The following CPVL variants were observed in gnomAD, a reference collection of about 807,000 sequenced individuals.
CPVL encodes the protein probable serine carboxypeptidase CPVL.
CPVL carries 51 observed loss-of-function variants against 63.7 expected under a neutral mutation model. The ratio of observed to expected loss-of-function variants is 0.80; its 90% confidence interval spans 0.64 to 1.01. CPVL has a LOEUF of 1.01. Ranked by LOEUF, CPVL falls within the 50% of genes least tolerant of loss-of-function variation. The pLI is 0.00. For synonymous variants in CPVL, 195 were observed against 206.0 expected (o/e 0.95, Z 0.46); for missense variants, 530 against 573.1 (o/e 0.92, Z 0.77).
At chr7:29,136,059 AGAG>A (rs1248517640) in intron 1 of CPVL, among the ~76,000 whole-genome samples, 5 of 152,220 alleles carry the variant, frequency 3.3e-5, no homozygotes, top group Non-Finnish European at 7.3e-5. Flanking sequence ...CTAGGACTGA[AGAG>A]GGGAAGTGAA....
chr7:29,077,296 A>G (rs1004813343), intron 7 of CPVL, among the ~76,000 whole-genome samples: 1 of 139,384 alleles, frequency 7.2e-6, no homozygotes, highest in Non-Finnish European at 1.5e-5. Context: ...TCTGAAGTTT[A>G]GTAGAAAAAA....
intron 1 of CPVL, among the ~76,000 whole-genome samples, chr7:29,137,780 A>G (rs245865): frequency 0.9 from 137,175 of 152,274 alleles, 62,007 homozygotes; most frequent in East Asian, 1. Flanking sequence ...GGGAGGTCAT[A>G]GAATTTATAG....
chr7:29,032,180 A>G (rs947299071), intron 11 of CPVL, among the ~76,000 whole-genome samples: 6 of 152,132 alleles, frequency 3.9e-5, no homozygotes, highest in African/African-American at 1.4e-4. Flanking sequence ...ATTTCACTGC[A>G]TAAGTTTCCG....
At chr7:29,115,191 C>T (rs1432250867) in intron 2 of CPVL, among the ~76,000 whole-genome samples, 1 of 152,198 alleles carries the variant, frequency 6.6e-6, no homozygotes, top group Non-Finnish European at 1.5e-5. Flanking sequence ...CCTAGCACTG[C>T]ACATAAAATA....
chr7:29,067,900 C>T (rs1421646307), intron 9 of CPVL, among the ~76,000 whole-genome samples: 2 of 152,140 alleles, frequency 1.3e-5, no homozygotes, highest in Non-Finnish European at 2.9e-5. Context: ...CACTCAACCA[C>T]GCACACACTG....
intron 3 of CPVL, among the ~76,000 whole-genome samples, chr7:29,109,203 G>A (rs1247862549): frequency 1.3e-5 from 2 of 152,128 alleles, no homozygotes; most frequent in East Asian, 3.8e-4. Context: ...CTTGCAGGTT[G>A]TATTCCCACT....
In CPVL at chr7:29,078,197, C is replaced by A. The variant is rs1373737621; in HGVS notation, c.610-5774G>T. Among the ~76,000 whole-genome samples the A allele has an allele frequency of 2.6e-5, 4 of 152,316 alleles. No homozygotes were observed. The East Asian group carries it at 7.7e-4, about 29-fold the overall frequency. On this transcript the variant is annotated intron_variant, in intron 7 of 12. Transcript: ENST00000265394. Reference sequence around the variant, plus strand: ...CTTAAAAAGAAACTTGCAAAATCTACAGGCATAGACATATAGCAAAAACAT... The same window carrying A: ...CTTAAAAAGAAACTTGCAAAATCTAAAGGCATAGACATATAGCAAAAACAT...
At chr7:29,125,208 A>G (rs1369848121) in intron 1 of CPVL, 6 of 152,190 alleles carry the variant, frequency 3.9e-5, no homozygotes, top group East Asian at 3.8e-4. Flanking sequence ...TGATGAATCT[A>G]AATAAGGAAC....
intron 9 of CPVL, 66 bp downstream of exon 9, chr7:29,071,707 T>TCGC: frequency 1.3e-5 from 11 of 867,440 alleles, no homozygotes; most frequent in Non-Finnish European, 1.8e-5. Context: ...GTGTTCCTGC[T>TCGC]CACCCGCCCT....
intron 5 of CPVL, among the ~76,000 whole-genome samples, chr7:29,159,563 G>T (rs1292395659): frequency 6.6e-6 from 1 of 152,076 alleles, no homozygotes; most frequent in Non-Finnish European, 1.5e-5. Flanking sequence ...GTGATGAAAT[G>T]GGGTGGCTAA....
intron 11 of CPVL, among the ~76,000 whole-genome samples, chr7:29,043,310 C>T (rs1789304788): frequency 6.6e-6 from 1 of 151,600 alleles, no homozygotes; most frequent in African/African-American, 2.4e-5. Context: ...TGGTATCAGT[C>T]AGGTGCAAGA....
intron 5 of CPVL, among the ~76,000 whole-genome samples, chr7:29,165,134 T>G (rs1795738885): frequency 6.6e-6 from 1 of 152,162 alleles, no homozygotes; most frequent in South Asian, 2.1e-4. Flanking sequence ...AATCTAAAGA[T>G]CAATGTGGGG....
chr7:29,075,429 T>C lies in CPVL; in HGVS notation c.610-3006A>G, dbSNP rs138424897. Among the ~76,000 whole-genome samples the C allele has an allele frequency of 1.9e-4, 28 of 151,108 alleles. No individual in the cohort carries two copies. In the East Asian group the frequency reaches 5.3e-3, roughly 29 times the overall value. On this transcript the variant is annotated intron_variant, in intron 7 of 12. Coordinates refer to ENST00000265394, the MANE Select transcript of CPVL (RefSeq NM_031311.5). Reference sequence around the variant, plus strand: ...TCATTCACATGCCTGGCTGGAATTCTACCCTGGCTTGGCTGTCTCTGCAGC... The same window carrying C: ...TCATTCACATGCCTGGCTGGAATTCCACCCTGGCTTGGCTGTCTCTGCAGC...
upstream of CPVL, chr7:29,147,071 G>C: frequency 6.9e-7 from 1 of 1,443,402 alleles, no homozygotes; most frequent in Non-Finnish European, 9.3e-7. Context: ...TTTGCAATTG[G>C]GGGACACAAA....
intron 5 of CPVL, 71 bp downstream of exon 5, chr7:29,095,013 T>C (rs1285896555): frequency 4.5e-6 from 5 of 1,116,552 alleles, no homozygotes; most frequent in Non-Finnish European, 6.7e-6. Context: ...TTAAATGTAC[T>C]TAATAAAAAG....
chr7:29,087,423 C>CAAAAAAAAAA, intron 6 of CPVL, among the ~76,000 whole-genome samples: 1 of 71,394 alleles, frequency 1.4e-5, no homozygotes, highest in Non-Finnish European at 3.1e-5. Flanking sequence ...GACTCTGTCT[C>CAAAAAAAAAA]AAAAAAAAAA....
intron 1 of CPVL, among the ~76,000 whole-genome samples, chr7:29,125,642 C>T (rs1789935253): frequency 6.6e-6 from 1 of 152,142 alleles, no homozygotes. Context: ...ATCCACCCGC[C>T]TCGGCCTCCC....
chr7:29,050,907 T>C (rs779006767), intron 11 of CPVL, among the ~76,000 whole-genome samples: 13 of 151,570 alleles, frequency 8.6e-5, no homozygotes, highest in Non-Finnish European at 1.9e-4. Flanking sequence ...AATAGGCACA[T>C]AGACTGATGG....
Position 29,121,114 on chromosome 7 carries a change from A to T in CPVL, c.-10-43T>A, listed in dbSNP as rs991654424. On this transcript the variant is annotated intron_variant, in intron 1 of 12. Coordinates refer to ENST00000265394, the MANE Select transcript of CPVL (RefSeq NM_031311.5). ...TTCCAAAAATGAATCATAAGAGTAAATATTTACCTGGCCCTTTTACATGCA... is the reference window on the plus strand; with the variant it reads ...TTCCAAAAATGAATCATAAGAGTAATTATTTACCTGGCCCTTTTACATGCA... 6.7e-6 allele frequency: 10 copies of T among 1,503,220 alleles called. No homozygotes were observed. In the African/African-American group the frequency reaches 1.0e-4, roughly 15 times the overall value. The allele number at this position is 1,503,220 out of a possible 1,614,324, so 93.1% of individuals were successfully genotyped here.
Sources: gnomAD v4.1 joint callset for allele counts (sites outside exome capture counted in the v4.1 genomes callset) on GRCh38, gnomAD v4.1.1 for gene constraint, MANE v1.5 for transcripts, NCBI Gene and HGNC (gene_info 2026-07-23, HGNC 2026-07-21) for gene names.